Variants in RPL32 observed in about 807,000 individuals in gnomAD.
The protein encoded by RPL32 is large ribosomal subunit protein eL32.
For missense variants in RPL32, 117 were observed against 173.7 expected, an observed-to-expected ratio of 0.67 and a Z score of 1.83; for synonymous variants, 61 against 62.6, an observed-to-expected ratio of 0.98 and a Z score of 0.12.
chr3:12,840,206 T>C lies in RPL32; in HGVS notation c.32A>G (p.Lys11Arg), dbSNP rs1559564810. The C allele has an allele frequency of 5.0e-6, 8 of 1,614,026 alleles. No individual in the cohort carries two copies. Among genetic ancestry groups the C allele is most frequent in the Admixed American group, 1.7e-5 (1 of 60,028 alleles). Reference protein sequence around the residue: MAALRPLVKPKIVKKRTKKFI... With the variant: MAALRPLVKPRIVKKRTKKFI... ...CTTCTTGGTTCTCTTTTTGACGATC[T>C]TGGGCTTCACAAGGGGTCTGAGGGC... The change falls in exon 2 of 4, where the codon AAG (lysine) becomes AGG (arginine). Residue 11 changes from lysine to arginine, a missense_variant. By Grantham distance (26) the Lys-to-Arg change is conservative. Transcript: ENST00000429711.
At chr3:12,837,253 A>T (rs2062107239) in intron 3 of RPL32, among the ~76,000 whole-genome samples, 1 of 152,180 alleles carries the variant, frequency 6.6e-6, no homozygotes, top group South Asian at 2.1e-4. Context: ...TTTTGAGTGG[A>T]CCCACAACAT....
rs563551519 is a variant in RPL32, at chr3:12,834,516, GGAA to G, written c.*1575_*1577del. ...AGTGGCAGTGATGAATCAGAAATTT[GGAA>G]GATGATACGGGTTTCTTTTTTCCAG... On this transcript the variant is annotated 3_prime_UTR_variant, in exon 4 of 4. Transcript: ENST00000429711. The G allele has an allele frequency of 1.6e-4, 25 of 155,042 alleles. No homozygotes were observed. In the South Asian group the frequency reaches 4.8e-3, roughly 30 times the overall value. The allele number at this position is 155,042 out of a possible 1,614,324, so 9.6% of individuals were successfully genotyped here.
intron 3 of RPL32, 195 bp downstream of exon 3, chr3:12,839,154 T>A: frequency 1.6e-6 from 1 of 619,492 alleles, no homozygotes; most frequent in Admixed American, 2.9e-5. Context: ...GTCACCTCCT[T>A]CAGCAAAGGA....
At chr3:12,839,176 T>C in intron 3 of RPL32, 173 bp downstream of exon 3, 1 of 646,822 alleles carries the variant, frequency 1.5e-6, no homozygotes, top group Non-Finnish European at 2.7e-6. Flanking sequence ...ACACCTTGAA[T>C]TCCCCAACAA....
In RPL32 at chr3:12,839,399, C is replaced by G. The variant is rs1353375513; in HGVS notation, c.228G>C (p.Lys76Asn). The change falls in exon 3 of 4, where the codon AAG becomes AAC. Residue 76 changes from lysine (K) to asparagine (N), a missense_variant. By Grantham distance (94) the Lys-to-Asn change is moderately conservative. Coordinates refer to ENST00000429711, the MANE Select transcript of RPL32 (RefSeq NM_000994.4). ...GCTCCTTGACGTTGTGGACCAGGAA[C>G]TTCCGGAAGCCACTGGGCAGCATGT... ...TKHMLPSGFR[K>N]FLVHNVKELE... 5 of 1,614,040 alleles carry G rather than the reference C, an allele frequency of 3.1e-6. No homozygotes were observed. Among genetic ancestry groups the G allele is most frequent in the Non-Finnish European group, 3.4e-6 (4 of 1,180,020 alleles).
At chr3:12,836,356 C>T in intron 3 of RPL32, 133 bp from the exon 4 acceptor site, 1 of 1,031,108 alleles carries the variant, frequency 9.7e-7, no homozygotes, top group East Asian at 2.5e-5. Context: ...ATGACACCTA[C>T]ATGCCCCCAA....
In RPL32 at chr3:12,836,190, G is replaced by A. The variant is rs747239875; in HGVS notation, c.312C>T (p.Ser104=). The A allele has an allele frequency of 1.9e-5, 30 of 1,601,670 alleles. No individual in the cohort carries two copies. Among genetic ancestry groups the A allele is most frequent in the South Asian group, 1.9e-4 (17 of 91,078 alleles). ...SYCAEIAHNV[S]SKNRKAIVER... ...CCACGATGGCTTTGCGGTTCTTGGAGGAAACATTGTGAGCGATCTCGGCAC... is the reference window on the plus strand; with the variant it reads ...CCACGATGGCTTTGCGGTTCTTGGAAGAAACATTGTGAGCGATCTCGGCAC... The change falls in exon 4 of 4, where the codon TCC becomes TCT. Residue 104 remains serine (S), a synonymous_variant. Transcript: ENST00000429711.
chr3:12,840,948 CATG>C (rs1366280115), intron 1 of RPL32: 3 of 157,368 alleles, frequency 1.9e-5, no homozygotes, highest in African/African-American at 7.2e-5. Flanking sequence ...CCTTCTGGCC[CATG>C]ATATCCTCGA....
At chr3:12,839,020 A>G (rs1172960288) in intron 3 of RPL32, 1 of 391,790 alleles carries the variant, frequency 2.6e-6, no homozygotes, top group Non-Finnish European at 4.7e-6. Flanking sequence ...TGACACCTTC[A>G]TAAAGAAAGC....
In RPL32 at chr3:12,836,161, C is replaced by T; in HGVS notation, c.341G>A (p.Arg114Lys). Reference sequence around the variant, plus strand: ...GACTCTGATGGCCAGTTGGGCAGCTCTTTCCACGATGGCTTTGCGGTTCTT... The same window carrying T: ...GACTCTGATGGCCAGTTGGGCAGCTTTTTCCACGATGGCTTTGCGGTTCTT... Reference protein sequence around the residue: ...SSKNRKAIVERAAQLAIRVTN... With the variant: ...SSKNRKAIVEKAAQLAIRVTN... The change falls in exon 4 of 4, where the codon AGA becomes AAA. Residue 114 changes from arginine to lysine, a missense_variant. By Grantham distance (26) the Arg-to-Lys change is conservative. Transcript: ENST00000429711. 1 of 1,605,786 alleles carries T rather than the reference C, an allele frequency of 6.2e-7. No homozygotes were observed.
At chr3:12,840,014 G>C (rs2062135470) in intron 2 of RPL32, 128 bp downstream of exon 2, 1 of 797,388 alleles carries the variant, frequency 1.3e-6, no homozygotes, top group Non-Finnish European at 2.2e-6. Flanking sequence ...GGGGAGACCT[G>C]TATTTCTACA....
At chr3:12,840,096 ACT>A in intron 2 of RPL32, 44 bp downstream of exon 2, 1 of 1,360,284 alleles carries the variant, frequency 7.4e-7, no homozygotes, top group Non-Finnish European at 1.0e-6. Context: ...ACTGTTGGAA[ACT>A]CTTTTCTTCA....
rs1489893374 is a variant in RPL32 at position 12,834,681 on chromosome 3, G to C, written c.*1413C>G. On this transcript the variant is annotated 3_prime_UTR_variant, in exon 4 of 4. Transcript: ENST00000429711. ...CCACCCAGGCATAACCAGTTGGTTTGTTTCCTTCTGAGGAAGGTTTCAAAT... is the reference window on the plus strand; with the variant it reads ...CCACCCAGGCATAACCAGTTGGTTTCTTTCCTTCTGAGGAAGGTTTCAAAT... 2 of 152,344 alleles carry C rather than the reference G, an allele frequency of 1.3e-5. No individual in the cohort carries two copies. The highest frequency in any genetic ancestry group is 4.8e-5 in the African/African-American group (2 of 41,444). 9.4% of individuals were successfully genotyped at this position (152,344 alleles called of 1,614,324 possible).
At chr3:12,840,366 T>A (rs1197808486) in intron 1 of RPL32, 124 bp from the exon 2 acceptor site, 1 of 789,016 alleles carries the variant, frequency 1.3e-6, no homozygotes, top group South Asian at 1.3e-5. Context: ...GGGAATGGAA[T>A]GGGTGCCTCT....
intron 1 of RPL32, chr3:12,841,053 T>G (rs1252962494): frequency 6.5e-6 from 1 of 153,452 alleles, no homozygotes; most frequent in Non-Finnish European, 1.5e-5. Context: ...CAGCTCGTCT[T>G]TCCTTGGCGG....
intron 1 of RPL32, chr3:12,840,691 A>G (rs950835481): frequency 2.0e-5 from 7 of 354,470 alleles, no homozygotes; most frequent in Non-Finnish European, 3.9e-5. Flanking sequence ...TCACAGGGTA[A>G]ATGTTCAATA....
chr3:12,836,369 C>A (rs761562877), intron 3 of RPL32, 146 bp from the exon 4 acceptor site: 7 of 912,044 alleles, frequency 7.7e-6, no homozygotes, highest in Non-Finnish European at 1.0e-5. Flanking sequence ...GCCCCCAAAT[C>A]CTGACTATGG....
chr3:12,838,408 AAAAC>A (rs1476902498), intron 3 of RPL32, among the ~76,000 whole-genome samples: 1 of 152,176 alleles, frequency 6.6e-6, no homozygotes, highest in Admixed American at 6.5e-5. Context: ...TTCATCTTAA[AAAAC>A]AAAAACCAAT....
chr3:12,839,615 A>G (rs1443013521), intron 2 of RPL32, 85 bp from the exon 3 acceptor site: 3 of 1,306,300 alleles, frequency 2.3e-6, no homozygotes, highest in East Asian at 2.3e-5. Context: ...GGACCAAATG[A>G]AAAGGAAGTA....
Sources: allele counts gnomAD v4.1 joint callset (sites outside exome capture counted in the v4.1 genomes callset), GRCh38; gene constraint gnomAD v4.1.1; transcripts MANE v1.5; gene names NCBI Gene and HGNC (gene_info 2026-07-23, HGNC 2026-07-21).